LAMA2: variants seen among roughly 807,000 people sequenced by gnomAD.
The protein encoded by LAMA2 is laminin subunit alpha-2.
In LAMA2, 269 loss-of-function variants were observed where a neutral mutation model predicts 364.8. The ratio of observed to expected loss-of-function variants is 0.74; its 90% CI spans 0.67 to 0.82. The LOEUF is 0.82. Ranked by LOEUF, LAMA2 falls within the 40% of genes least tolerant of loss-of-function variation. The pLI is 0.00. For missense variants in LAMA2, 3,807 were observed against 3,873.2 expected (o/e 0.98, Z 0.45); for synonymous variants, 1,379 against 1,370.6 (o/e 1.01, Z -0.14).
chr6:129,212,883 A>C (rs1434059799), intron 12 of LAMA2, among the ~76,000 whole-genome samples: 2 of 152,240 alleles, frequency 1.3e-5, no homozygotes, highest in African/African-American at 4.8e-5. Context: ...CTGCAAGAGA[A>C]GCATACACAT....
At chr6:129,500,687 G>A (rs928965941) in intron 58 of LAMA2, among the ~76,000 whole-genome samples, 3 of 151,928 alleles carry the variant, frequency 2.0e-5, no homozygotes, top group South Asian at 2.1e-4. Flanking sequence ...AGTATACAAC[G>A]AAACAACAAC....
intron 1 of LAMA2, among the ~76,000 whole-genome samples, chr6:128,938,268 G>A (rs1779949711): frequency 6.6e-6 from 1 of 152,094 alleles, no homozygotes; most frequent in Admixed American, 6.6e-5. Context: ...CTGACTGATT[G>A]TGAAGATGAA....
intron 30 of LAMA2, among the ~76,000 whole-genome samples, chr6:129,346,993 C>A (rs568767630): frequency 1.3e-5 from 2 of 152,148 alleles, no homozygotes; most frequent in South Asian, 2.1e-4. Context: ...TGAGACAGAC[C>A]CATGCTTGGC....
chr6:129,309,570 G>T (rs949296201), intron 22 of LAMA2, among the ~76,000 whole-genome samples: 1 of 152,092 alleles, frequency 6.6e-6, no homozygotes, highest in South Asian at 2.1e-4. Context: ...ATTAATACCC[G>T]ATTATGGCCT....
intron 16 of LAMA2, among the ~76,000 whole-genome samples, chr6:129,269,275 G>C (rs929639069): frequency 1.3e-5 from 2 of 151,808 alleles, no homozygotes; most frequent in Non-Finnish European, 2.9e-5. Context: ...CATAGTTCTT[G>C]TGGTATGTAA....
chr6:129,514,779 A>G (rs1786903321), intron 64 of LAMA2, among the ~76,000 whole-genome samples, 184 bp downstream of exon 64: 1 of 152,234 alleles, frequency 6.6e-6, no homozygotes, highest in South Asian at 2.1e-4. Flanking sequence ...TATTACTTAT[A>G]TAAACCACAT....
intron 49 of LAMA2, 82 bp from the exon 50 acceptor site, chr6:129,464,208 C>T: frequency 8.3e-7 from 1 of 1,203,654 alleles, no homozygotes. Context: ...AGCCTATAGT[C>T]TCATTGCTAT....
chr6:129,319,935 C>G (rs1774848437), intron 27 of LAMA2, among the ~76,000 whole-genome samples: 1 of 152,100 alleles, frequency 6.6e-6, no homozygotes, highest in Non-Finnish European at 1.5e-5. Context: ...CAGTTCAAGA[C>G]CAGCCTGGCC....
intron 22 of LAMA2, among the ~76,000 whole-genome samples, chr6:129,309,540 T>A (rs1774080149): frequency 6.6e-6 from 1 of 152,246 alleles, no homozygotes; most frequent in Non-Finnish European, 1.5e-5. Context: ...TTGATTATAG[T>A]TTTGATAACA....
At chr6:129,337,066 A>G (rs1026782930) in intron 29 of LAMA2, among the ~76,000 whole-genome samples, 19 of 152,328 alleles carry the variant, frequency 1.2e-4, no homozygotes, top group African/African-American at 4.1e-4. Flanking sequence ...TGTTTCCAAC[A>G]TGCAGGTCTA....
intron 1 of LAMA2, among the ~76,000 whole-genome samples, chr6:128,904,603 C>T (rs573688384): frequency 5.3e-5 from 8 of 151,910 alleles, no homozygotes; most frequent in South Asian, 2.1e-4. Flanking sequence ...TACAGGCGAG[C>T]GCCACCATGC....
At chr6:129,153,952 G>A (rs528288902) in intron 7 of LAMA2, among the ~76,000 whole-genome samples, 362 of 152,140 alleles carry the variant, frequency 2.4e-3, no homozygotes, top group African/African-American at 8.0e-3. Flanking sequence ...AAAATTGCAC[G>A]TTAGTCAAAA....
chr6:129,168,435 T>C (rs1779904479), intron 9 of LAMA2, among the ~76,000 whole-genome samples: 1 of 152,212 alleles, frequency 6.6e-6, no homozygotes, highest in Non-Finnish European at 1.5e-5. Flanking sequence ...CTTTCCCCAT[T>C]GCTTGTTTTT....
At chr6:128,923,104 T>C (rs548226888) in intron 1 of LAMA2, among the ~76,000 whole-genome samples, 3 of 143,854 alleles carry the variant, frequency 2.1e-5, no homozygotes, top group Non-Finnish European at 4.6e-5. Flanking sequence ...CTGTTTTGGT[T>C]ACTGTAGCCT....
In LAMA2 at chr6:129,026,398, C is replaced by T. The variant is rs542149910; in HGVS notation, c.113-23520C>T. Among the ~76,000 whole-genome samples the T allele has an allele frequency of 1.3e-3, 196 of 152,120 alleles. 1 individual carries two copies. The Middle Eastern group carries it at 0.024, about 18-fold the overall frequency. On this transcript the variant is annotated intron_variant, in intron 1 of 64. Transcript: ENST00000421865. ...AGAATATTTTGCATGAAGATGGTTA[C>T]ATAAATATGCACTAAAATTGAGTCT...
intron 55 of LAMA2, among the ~76,000 whole-genome samples, chr6:129,483,224 TA>T (rs35206967): frequency 0.35 from 51,984 of 148,742 alleles, 10,069 homozygotes; most frequent in African/African-American, 0.54. Flanking sequence ...TAGCCATCTA[TA>T]AAAAAAAAAC....
Position 129,149,077 on chromosome 6 carries a change from A to G in LAMA2, c.1008A>G (p.Leu336=), listed in dbSNP as rs1384477780. The part of the protein sequence containing the change: ...HQKPWRAGTF[L]TKTECEACNC... ...AACCCTGGAGAGCTGGAACTTTTCTAACTAAAACTGAATGTGAAGGTATGT... is the reference window on the plus strand; with the variant it reads ...AACCCTGGAGAGCTGGAACTTTTCTGACTAAAACTGAATGTGAAGGTATGT... Residue 336 remains leucine (L), a synonymous_variant, in exon 7 of 65, where the codon CTA becomes CTG. Transcript: ENST00000421865. 2 of 1,603,396 alleles carry G rather than the reference A, an allele frequency of 1.2e-6. No homozygotes were observed. The highest frequency in any genetic ancestry group is 2.2e-5 in the East Asian group (1 of 44,830).
chr6:129,197,998 G>A (rs1904232), intron 12 of LAMA2, among the ~76,000 whole-genome samples: 13,915 of 151,940 alleles, frequency 0.092, 726 homozygotes, highest in Non-Finnish European at 0.12. Context: ...TTTACATTTT[G>A]TTTATAATTC....
chr6:129,034,548 T>C (rs754605115), intron 1 of LAMA2, among the ~76,000 whole-genome samples: 8 of 152,030 alleles, frequency 5.3e-5, no homozygotes, highest in Admixed American at 1.3e-4. Context: ...ATGGTGAGGT[T>C]TGGGCTTCTA....
Sources: gnomAD v4.1 joint callset for allele counts (sites outside exome capture counted in the v4.1 genomes callset) on GRCh38, gnomAD v4.1.1 for gene constraint, MANE v1.5 for transcripts, NCBI Gene and HGNC (gene_info 2026-07-23, HGNC 2026-07-21) for gene names.